The following SORCS3 variants were observed in gnomAD, a reference collection of about 807,000 sequenced individuals.
SORCS3 encodes the protein sortilin related VPS10 domain containing receptor 3, also known as VPS10 domain-containing receptor SorCS3.
In SORCS3, 57 loss-of-function variants were observed where a neutral mutation model predicts 146.3. The observed-to-expected ratio is 0.39, with a 90% CI of 0.31 to 0.49. The LOEUF (loss-of-function observed/expected upper bound fraction) is 0.49, where lower values mean the gene tolerates loss of function less well. Ranked by LOEUF, SORCS3 falls within the 20% of genes least tolerant of loss-of-function variation. The probability of loss-of-function intolerance (pLI) is 0.92; values close to 1 mark genes in which losing one functional copy is unlikely to be tolerated. For missense variants in SORCS3, 1,341 were observed against 1,575.5 expected, an observed-to-expected ratio of 0.85 and a Z score of 2.52; for synonymous variants, 653 against 618.5, an observed-to-expected ratio of 1.06 and a Z score of -0.83.
At chr10:104,987,801 C>T (rs139257512) in intron 4 of SORCS3, among the ~76,000 whole-genome samples, 197 of 152,214 alleles carry the variant, frequency 1.3e-3, no homozygotes, top group African/African-American at 4.4e-3. Flanking sequence ...ATGAATTTTC[C>T]GGCTCCATCC....
At chr10:105,097,702 A>G (rs532536431) in intron 6 of SORCS3, among the ~76,000 whole-genome samples, 2 of 152,298 alleles carry the variant, frequency 1.3e-5, no homozygotes, top group East Asian at 1.9e-4. Context: ...GTTATAGAGT[A>G]AAATTGTCAA....
chr10:105,212,279 G>A (rs2056638610), intron 17 of SORCS3, among the ~76,000 whole-genome samples: 1 of 152,194 alleles, frequency 6.6e-6, no homozygotes, highest in East Asian at 1.9e-4. Flanking sequence ...CTGAGCTAAG[G>A]CTCAAGGATC....
chr10:104,732,754 A>C (rs536106959), intron 1 of SORCS3, among the ~76,000 whole-genome samples: 2 of 152,276 alleles, frequency 1.3e-5, no homozygotes, highest in African/African-American at 4.8e-5. Context: ...GGGATGGGAA[A>C]GGGGTCTGCC....
At chr10:104,974,525 T>A (rs2054882299) in intron 3 of SORCS3, among the ~76,000 whole-genome samples, 1 of 152,164 alleles carries the variant, frequency 6.6e-6, no homozygotes, top group Non-Finnish European at 1.5e-5. Flanking sequence ...AACCCCTGCC[T>A]TTTTTTGTTT....
At chr10:105,053,367 G>T (rs929524317) in intron 5 of SORCS3, among the ~76,000 whole-genome samples, 1 of 151,968 alleles carries the variant, frequency 6.6e-6, no homozygotes, top group Non-Finnish European at 1.5e-5. Context: ...GCTAAGGCTT[G>T]TCGGGGAAGT....
At chr10:104,736,924 C>T (rs1456860676) in intron 1 of SORCS3, among the ~76,000 whole-genome samples, 1 of 152,076 alleles carries the variant, frequency 6.6e-6, no homozygotes, top group Non-Finnish European at 1.5e-5. Flanking sequence ...AATGCCATCC[C>T]TCCCCCTTCC....
intron 1 of SORCS3, among the ~76,000 whole-genome samples, chr10:104,643,928 T>C (rs1177012418): frequency 1.3e-5 from 2 of 152,200 alleles, no homozygotes; most frequent in Non-Finnish European, 2.9e-5. Context: ...TTAAGGATTA[T>C]TTTTGAGTAT....
chr10:104,959,323 G>A (rs1564722536), intron 3 of SORCS3, among the ~76,000 whole-genome samples: 5 of 152,100 alleles, frequency 3.3e-5, no homozygotes, highest in African/African-American at 7.2e-5. Flanking sequence ...GTATTTGGAT[G>A]TCGGGCATTC....
In SORCS3 at chr10:105,117,844, C is replaced by T. The variant is rs574557319; in HGVS notation, c.1212+12329C>T. ...CTAGACTATGCCTCTCAATAATTAA[C>T]ATAGTTGAATTGTCTAGAGAATTTG... On this transcript the variant is annotated intron_variant, in intron 7 of 26. Transcript: ENST00000369701. Among the ~76,000 whole-genome samples, 47 of 152,296 alleles carry T rather than the reference C, an allele frequency of 3.1e-4. 2 individuals are homozygous for T. The South Asian group carries it at 8.1e-3, about 26-fold the overall frequency.
At chr10:104,923,446 A>G (rs1271614881) in intron 3 of SORCS3, among the ~76,000 whole-genome samples, 1 of 152,208 alleles carries the variant, frequency 6.6e-6, no homozygotes, top group Non-Finnish European at 1.5e-5. Flanking sequence ...CTTGGTCAAA[A>G]GGTGGGTCCC....
At position 105,204,483 on chromosome 10, in the gene SORCS3, A is replaced by G. The variant is rs530251032; in HGVS notation, c.2261+3230A>G. ...TTCCTCAACACTAAAACAATTTCCA[A>G]TGAAGTAGTTTTGACCATTGGTACT... On this transcript the variant is annotated intron_variant, in intron 16 of 26. Transcript: ENST00000369701. Among the ~76,000 whole-genome samples, 424 of 152,318 alleles carry G rather than the reference A, an allele frequency of 2.8e-3. 1 individual carries two copies. The highest frequency in any genetic ancestry group is 4.8e-3 in the Non-Finnish European group (329 of 68,026).
chr10:104,726,412 C>T (rs1393747841), intron 1 of SORCS3, among the ~76,000 whole-genome samples: 1 of 152,140 alleles, frequency 6.6e-6, no homozygotes, highest in Non-Finnish European at 1.5e-5. Context: ...TGCTAATTTA[C>T]CTGGATTAAT....
At chr10:104,772,629 T>A (rs945364872) in intron 1 of SORCS3, among the ~76,000 whole-genome samples, 6 of 152,234 alleles carry the variant, frequency 3.9e-5, no homozygotes, top group African/African-American at 1.4e-4. Flanking sequence ...CCCTCTGTTC[T>A]TCTTTGATCC....
rs568294680 is a variant in SORCS3 at position 105,252,873 on chromosome 10, G to C, written c.3204G>C (p.Glu1068Asp). The C allele has an allele frequency of 4.5e-5, 72 of 1,613,934 alleles. No individual in the cohort carries two copies. In the Middle Eastern group the frequency reaches 6.6e-4, roughly 15 times the overall value. Reference protein sequence around the residue: ...LFILPPKNLTERRKGNEGDLE... With the variant: ...LFILPPKNLTDRRKGNEGDLE... ...TTCTTCCACCCAAGAACCTGACAGA[G>C]AGGAGGAAAGGCAATGAAGGGGACC... Residue 1068 changes from glutamate to aspartate, a missense_variant, in exon 23 of 27, where the codon GAG becomes GAC. Physicochemically the swap from Glu to Asp is conservative, Grantham distance 45 (BLOSUM62 2). Transcript: ENST00000369701.
chr10:104,972,640 GAGAGAGAGAGAGAC>G (rs1241984340), intron 3 of SORCS3, among the ~76,000 whole-genome samples: 1 of 151,998 alleles, frequency 6.6e-6, no homozygotes, highest in Admixed American at 6.6e-5. Context: ...GAGAGAAAGA[GAGAGAGAGAGAGAC>G]AGAGAGAGAG....
chr10:105,225,081 T>G (rs1416146485), intron 20 of SORCS3, among the ~76,000 whole-genome samples: 1 of 152,152 alleles, frequency 6.6e-6, no homozygotes, highest in Non-Finnish European at 1.5e-5. Context: ...AGTTTTTAAT[T>G]TTAAGGAAGT....
chr10:104,672,161 A>G (rs1216287961), intron 1 of SORCS3, among the ~76,000 whole-genome samples: 1 of 152,120 alleles, frequency 6.6e-6, no homozygotes, highest in Non-Finnish European at 1.5e-5. Context: ...TTATAGGTCT[A>G]TTCTGATTAT....
At chr10:104,753,224 G>C (rs2017009346) in intron 1 of SORCS3, among the ~76,000 whole-genome samples, 1 of 152,158 alleles carries the variant, frequency 6.6e-6, no homozygotes, top group Admixed American at 6.5e-5. Flanking sequence ...AGAAGGTTTA[G>C]GGCACCTTCT....
intron 1 of SORCS3, among the ~76,000 whole-genome samples, chr10:104,806,541 G>A (rs2017681637): frequency 6.6e-6 from 1 of 152,168 alleles, no homozygotes. Context: ...TTACACCTTG[G>A]AATTTATCCT....
Sources: allele counts gnomAD v4.1 joint callset (sites outside exome capture counted in the v4.1 genomes callset), GRCh38; gene constraint gnomAD v4.1.1; transcripts MANE v1.5; gene names NCBI Gene and HGNC (gene_info 2026-07-23, HGNC 2026-07-21).